Variants in ELFN2 observed in about 807,000 individuals in gnomAD.
ELFN2 encodes the protein protein phosphatase 1 regulatory subunit 29.
Under a neutral mutation model 45.5 loss-of-function variants are expected in ELFN2, and 17 were observed. That is an observed-to-expected ratio of 0.37 (90% confidence interval 0.26 to 0.56). The LOEUF (loss-of-function observed/expected upper bound fraction) is 0.56, where lower values mean the gene tolerates loss of function less well. Among genes scored for constraint, ELFN2 ranks in the 20% least tolerant of loss-of-function variants. The pLI, the probability that ELFN2 is intolerant of heterozygous loss-of-function variation, is 0.77. For synonymous variants in ELFN2, 550 were observed against 551.5 expected (o/e 1.00, Z 0.04); for missense variants, 922 against 1,183.2 (o/e 0.78, Z 3.24).
chr22:37,393,777 C>T (rs1018419020), intron 2 of ELFN2, among the ~76,000 whole-genome samples: 2 of 152,178 alleles, frequency 1.3e-5, no homozygotes, highest in Non-Finnish European at 2.9e-5. Flanking sequence ...CCCCAGCACT[C>T]GGCCACCCTC....
In ELFN2 at chr22:37,347,641, AACACACACACACACAC is replaced by A. The variant is rs55967141; in HGVS notation, n.149-4954_149-4939del. Among the ~76,000 whole-genome samples, 351 of 146,668 alleles carry A rather than the reference AACACACACACACACAC, an allele frequency of 2.4e-3. 3 individuals are homozygous for A. Among genetic ancestry groups the A allele is most frequent in the African/African-American group, 8.4e-3 (334 of 39,620 alleles). On this transcript the variant is annotated intron_variant and non_coding_transcript_variant, in intron 1 of 2. Coordinates refer to ENST00000452946, the Ensembl canonical transcript of ELFN2. ...AGATTGTATAGGTGGTGGGTGGCAG[AACACACACACACACAC>A]ACACACACACACACACACACACACA...
In ELFN2 at chr22:37,372,726, AC is replaced by A. The variant is rs1931404841; in HGVS notation, c.*345del. 3.0e-5 allele frequency: 5 copies of A among 166,766 alleles called. No homozygotes were observed. Among genetic ancestry groups the A allele is most frequent in the Admixed American group, 6.8e-5 (1 of 14,806 alleles). The allele number at this position is 166,766 out of a possible 1,614,324, so 10.3% of individuals were successfully genotyped here. ...CTGTTTCTAGCCCCAGACCCCCCAGACCCCACACCCTCTCTTGGCTTCCTTC... is the reference window on the plus strand; with the variant it reads ...CTGTTTCTAGCCCCAGACCCCCCAGACCCACACCCTCTCTTGGCTTCCTTC... On this transcript the variant is annotated 3_prime_UTR_variant, in exon 3 of 3. Transcript: ENST00000402918. The surrounding 1 kb of genome is among the most constrained non-coding windows in gnomAD (Gnocchi z 4.4).
At chr22:37,378,459 C>T (rs767853699) in intron 2 of ELFN2, among the ~76,000 whole-genome samples, 3 of 152,180 alleles carry the variant, frequency 2.0e-5, no homozygotes, top group South Asian at 2.1e-4. Context: ...CCAAAGGATG[C>T]GAAGAGGCTG....
In ELFN2 at chr22:37,375,313, C is replaced by G. The variant is rs761529520; in HGVS notation, c.222G>C (p.Ser74=). 2.5e-6 allele frequency: 4 copies of G among 1,613,858 alleles called. No individual in the cohort carries two copies. The Admixed American group carries it at 6.7e-5, about 27-fold the overall frequency. ...ENKLKAVLYS[S]LNRFGNLTDL... ...CGGTGAGGTTCCCAAAGCGGTTGAG[C>G]GAGGAGTAGAGCACGGCTTTGAGCT... The change falls in exon 3 of 3, where the codon TCG becomes TCC. Residue 74 remains serine, a synonymous_variant. Transcript: ENST00000402918.
chr22:37,346,004 C>T (rs1302446113), intron 1 of ELFN2, among the ~76,000 whole-genome samples: 1 of 152,214 alleles, frequency 6.6e-6, no homozygotes, highest in Non-Finnish European at 1.5e-5. Context: ...GCCTGGAATC[C>T]TCTCCACCAT....
rs573203099 is a variant in ELFN2, at chr22:37,410,366, C to T, written c.-463+7403G>A. On this transcript the variant is annotated intron_variant, in intron 2 of 2. Coordinates refer to ENST00000402918, the MANE Select transcript of ELFN2 (RefSeq NM_052906.5). ...AGTCTCCACCCTCAGCCTGGCCACTCACTGCGGTGTGGCCCCGAGCCAGCG... is the reference window on the plus strand; with the variant it reads ...AGTCTCCACCCTCAGCCTGGCCACTTACTGCGGTGTGGCCCCGAGCCAGCG... 2.0e-5 allele frequency among the ~76,000 whole-genome samples: 3 copies of T among 152,322 alleles called. No individual in the cohort carries two copies. The South Asian group carries it at 6.2e-4, about 32-fold the overall frequency.
chr22:37,395,048 T>C (rs184234113), intron 2 of ELFN2, among the ~76,000 whole-genome samples: 1,530 of 151,958 alleles, frequency 0.01, 23 homozygotes, highest in African/African-American at 0.033. Flanking sequence ...GAGGTTGCAG[T>C]GGGCCAAGAT....
At chr22:37,424,319 G>A (rs1932832174) in intron 1 of ELFN2, among the ~76,000 whole-genome samples, 1 of 152,194 alleles carries the variant, frequency 6.6e-6, no homozygotes, top group Middle Eastern at 3.2e-3. Flanking sequence ...CGGCAGGGGT[G>A]TCACTGGAAC....
chr22:37,382,038 C>G (rs1931797227), intron 2 of ELFN2, among the ~76,000 whole-genome samples: 1 of 145,168 alleles, frequency 6.9e-6, no homozygotes, highest in East Asian at 2.1e-4. Context: ...ATGGGGTGCT[C>G]ATGATGGGGC....
downstream of ELFN2, among the ~76,000 whole-genome samples, chr22:37,367,366 C>A: frequency 6.6e-6 from 1 of 152,198 alleles, no homozygotes; most frequent in Non-Finnish European, 1.5e-5. Flanking sequence ...GATCGCTTCC[C>A]AGCCATGAAG....
At position 37,375,836 on chromosome 22, in the gene ELFN2, C is replaced by CCCTCCTCCTCCTCCT. The variant is rs142158248; in HGVS notation, c.-317_-303dup. ...GGGTTCTCAGGGCTTGACTTCCTCT[C>CCCTCCTCCTCCTCCT]CCTCCTCCTCCTCCTCCTCCTCCTC... On this transcript the variant is annotated 5_prime_UTR_variant, in exon 3 of 3. Transcript: ENST00000402918. 18 of 345,878 alleles carry CCCTCCTCCTCCTCCT rather than the reference C, an allele frequency of 5.2e-5. No homozygotes were observed. Among genetic ancestry groups the CCCTCCTCCTCCTCCT allele is most frequent in the African/African-American group, 3.4e-4 (15 of 44,262 alleles). 21.4% of individuals were successfully genotyped at this position (345,878 alleles called of 1,614,324 possible).
Position 37,374,252 on chromosome 22 carries a change from T to C in ELFN2, c.1283A>G (p.Lys428Arg). 6.2e-7 allele frequency: 1 copy of C among 1,614,008 alleles called. No individual in the cohort carries two copies. The highest frequency in any genetic ancestry group is 1.7e-5 in the Admixed American group (1 of 60,032). ...CLRKRRMQEEKQKSVNVKKTI... is the reference protein window; with the variant it reads ...CLRKRRMQEERQKSVNVKKTI... ...CTTCTTGACGTTGACAGACTTCTGC[T>C]TCTCCTCCTGCATGCGCCGCTTGCG... The change falls in exon 3 of 3, where the codon AAG becomes AGG. Residue 428 changes from lysine to arginine, a missense_variant. Lys to Arg is a conservative substitution (Grantham distance 26). Transcript: ENST00000402918.
rs531727889 is a variant in ELFN2, at chr22:37,348,625, A to G, written n.149-5922T>C. On this transcript the variant is annotated intron_variant and non_coding_transcript_variant, in intron 1 of 2. Coordinates refer to ENST00000452946, the Ensembl canonical transcript of ELFN2. ...GGGCTCCTGTCCCACACTCTTCCCC[A>G]TGGTCTGGGTCTCTCTCTCCTGAAG... Among the ~76,000 whole-genome samples, 687 of 150,666 alleles carry G rather than the reference A, an allele frequency of 4.6e-3. 19 individuals carry two copies. The highest frequency in any genetic ancestry group is 0.016 in the African/African-American group (651 of 41,426).
chr22:37,426,576 C>A (rs1051362024), intron 1 of ELFN2, among the ~76,000 whole-genome samples: 1 of 150,564 alleles, frequency 6.6e-6, no homozygotes, highest in Non-Finnish European at 1.5e-5. Context: ...ACCCCCTCCC[C>A]GTCCCCTGAC....
chr22:37,347,067 C>A (rs539996370), intron 1 of ELFN2, among the ~76,000 whole-genome samples: 2 of 152,190 alleles, frequency 1.3e-5, no homozygotes, highest in East Asian at 1.9e-4. Context: ...CAACCTCTGC[C>A]CCCCCGGTTC....
At chr22:37,424,085 G>A (rs1261495796) in intron 1 of ELFN2, among the ~76,000 whole-genome samples, 5 of 152,164 alleles carry the variant, frequency 3.3e-5, no homozygotes, top group Admixed American at 2.6e-4. Flanking sequence ...ACTCCACACA[G>A]CACATGTCAC....
chr22:37,404,344 C>A (rs1186587021), intron 2 of ELFN2, among the ~76,000 whole-genome samples: 2 of 151,992 alleles, frequency 1.3e-5, no homozygotes, highest in Non-Finnish European at 2.9e-5. Flanking sequence ...AGGGTGGGCA[C>A]ATGAAGGCAG....
intron 1 of ELFN2, chr22:37,354,188 T>C (rs1019295292): frequency 2.6e-5 from 4 of 152,092 alleles, no homozygotes; most frequent in African/African-American, 9.7e-5. Context: ...CCAAAGCAGG[T>C]TGGAAGTCAG....
At chr22:37,360,233 C>G (rs4821644) in intron 1 of ELFN2, among the ~76,000 whole-genome samples, 119,937 of 152,132 alleles carry the variant, frequency 0.79, 47,617 homozygotes, top group African/African-American at 0.87. Context: ...TCTCATCATG[C>G]ATTTATGGGT....
Sources: allele counts gnomAD v4.1 joint callset (sites outside exome capture counted in the v4.1 genomes callset), GRCh38; gene constraint gnomAD v4.1.1; non-coding constraint Gnocchi (gnomAD v3.1); transcripts MANE v1.5; gene names NCBI Gene and HGNC (gene_info 2026-07-23, HGNC 2026-07-21).